SLC13A2: variants seen among roughly 807,000 people sequenced by gnomAD.
SLC13A2 encodes Na(+)-coupled citrate transporter.
Under a neutral mutation model 58.5 loss-of-function variants are expected in SLC13A2, and 40 were observed. The ratio of observed to expected loss-of-function variants is 0.68; its 90% confidence interval spans 0.53 to 0.89. The LOEUF (loss-of-function observed/expected upper bound fraction) is 0.89. SLC13A2 is among the 40% of genes least tolerant of loss of function. The pLI is 0.00. For missense variants in SLC13A2, 694 were observed against 772.6 expected, an observed-to-expected ratio of 0.90 and a Z score of 1.21; for synonymous variants, 341 against 331.6, an observed-to-expected ratio of 1.03 and a Z score of -0.31.
At chr17:28,477,201 T>G (rs1355359164) in intron 1 of SLC13A2, among the ~76,000 whole-genome samples, 3 of 145,070 alleles carry the variant, frequency 2.1e-5, no homozygotes, top group South Asian at 2.2e-4. Context: ...TTGTTTTTTT[T>G]TTTTTTTTTT....
chr17:28,478,764 A>T (rs1326443966), intron 1 of SLC13A2, among the ~76,000 whole-genome samples: 2 of 152,206 alleles, frequency 1.3e-5, no homozygotes, highest in African/African-American at 4.8e-5. Flanking sequence ...CATCCATTCA[A>T]ATGTATTCAT....
intron 2 of SLC13A2, 106 bp downstream of exon 2, chr17:28,489,448 A>G (rs2068958090): frequency 1.5e-6 from 2 of 1,336,714 alleles, no homozygotes; most frequent in African/African-American, 1.5e-5. Context: ...GGCAGGGCAC[A>G]TGGATTAGGG....
intron 1 of SLC13A2, among the ~76,000 whole-genome samples, chr17:28,482,415 A>T (rs988472541): frequency 3.3e-5 from 5 of 152,164 alleles, no homozygotes; most frequent in African/African-American, 1.2e-4. Flanking sequence ...TGGTGCATTT[A>T]AAAACATTAT....
chr17:28,489,292 C>G lies in SLC13A2; in HGVS notation c.181C>G (p.Leu61Val). Residue 61 changes from leucine (L) to valine (V), a missense_variant, in exon 2 of 12, where the codon CTC (leucine) becomes GTC (valine). Leu to Val is a conservative substitution (Grantham distance 32). Coordinates refer to ENST00000314669, the MANE Select transcript of SLC13A2 (RefSeq NM_003984.4). ...TEALPLAVTA[L>V]FPLILFPMMG... ...GGCCCTGCCCCTGGCCGTCACTGCC[C>G]TCTTCCCCTTAATCCTGTTCCCTAT... The G allele has an allele frequency of 6.2e-7, 1 of 1,614,124 alleles. No individual in the cohort carries two copies. The highest frequency in any genetic ancestry group is 8.5e-7 in the Non-Finnish European group (1 of 1,180,032).
rs1555603925 is a variant in SLC13A2, at chr17:28,493,563, G to T, written c.879-8G>T. ...CCCCCACGAGCTGCCCCGTCCCTCT[G>T]CCTGCAGCTTCCGGAAGAACTTTGG... On this transcript the variant is annotated splice_region_variant and splice_polypyrimidine_tract_variant and intron_variant, in intron 6 of 11. Coordinates refer to ENST00000314669, the MANE Select transcript of SLC13A2 (RefSeq NM_003984.4). The T allele has an allele frequency of 6.3e-7, 1 of 1,595,858 alleles. No homozygotes were observed. Among genetic ancestry groups the T allele is most frequent in the Non-Finnish European group, 8.6e-7 (1 of 1,168,128 alleles).
chr17:28,482,136 C>G (rs2068796290), intron 1 of SLC13A2, among the ~76,000 whole-genome samples: 1 of 152,208 alleles, frequency 6.6e-6, no homozygotes, highest in African/African-American at 2.4e-5. Flanking sequence ...TCCCCCACTT[C>G]AGCCTCCCAA....
At position 28,496,467 on chromosome 17, in the gene SLC13A2, C is replaced by T; in HGVS notation, c.1488C>T (p.Leu496=). 6.2e-7 allele frequency: 1 copy of T among 1,608,272 alleles called. No homozygotes were observed. The highest frequency in any genetic ancestry group is 1.1e-5 in the South Asian group (1 of 90,558). ...ILASMAQAIC[L]HPLYVMLPCT... is the part of the protein sequence containing the mutation. Reference sequence around the variant, plus strand: ...CACTCCAGGCCCAGGCCATCTGCCTCCACCCTCTCTACGTCATGCTCCCCT... The same window carrying T: ...CACTCCAGGCCCAGGCCATCTGCCTTCACCCTCTCTACGTCATGCTCCCCT... Residue 496 remains leucine (L), a synonymous_variant, in exon 11 of 12, where the codon CTC becomes CTT. Coordinates refer to ENST00000314669, the MANE Select transcript of SLC13A2 (RefSeq NM_003984.4). The surrounding 1 kb of genome is among the most constrained non-coding windows in gnomAD (Gnocchi z 4.2).
intron 1 of SLC13A2, among the ~76,000 whole-genome samples, chr17:28,474,424 G>C (rs1297803447): frequency 1.3e-5 from 2 of 152,078 alleles, no homozygotes; most frequent in African/African-American, 4.8e-5. Context: ...AGGCGTCACT[G>C]CCTCCTCCTC....
chr17:28,494,530 C>T lies in SLC13A2; in HGVS notation c.1308+18C>T. On this transcript the variant is annotated intron_variant, in intron 9 of 11. Coordinates refer to ENST00000314669, the MANE Select transcript of SLC13A2 (RefSeq NM_003984.4). This position sits in a 1 kb window ranked among gnomAD's most constrained non-coding sequence, Gnocchi z 4.0. ...GCAGTGAGGTGAGAGGCCCCCAGCC[C>T]CCTCCTCAGCCTGTGTGAGGGTGTC... is the stretch of plus-strand genomic sequence containing the variant. The T allele has an allele frequency of 6.2e-7, 1 of 1,613,656 alleles. No individual in the cohort carries two copies. The highest frequency in any genetic ancestry group is 8.5e-7 in the Non-Finnish European group (1 of 1,179,794).
Position 28,489,187 on chromosome 17 carries a change from G to A in SLC13A2, c.103-27G>A, listed in dbSNP as rs782395718. The A allele has an allele frequency of 3.1e-6, 5 of 1,610,102 alleles. No homozygotes were observed. In the Admixed American group the frequency reaches 6.7e-5, roughly 22 times the overall value. On this transcript the variant is annotated intron_variant, in intron 1 of 11. Coordinates refer to ENST00000314669, the MANE Select transcript of SLC13A2 (RefSeq NM_003984.4). ...GCTCTGGGACACAGGCCCTCTGACAGCTCTGCCGCTTCTCTCCCACCTGCA... is the reference window on the plus strand; with the variant it reads ...GCTCTGGGACACAGGCCCTCTGACAACTCTGCCGCTTCTCTCCCACCTGCA...
intron 1 of SLC13A2, among the ~76,000 whole-genome samples, chr17:28,474,071 C>G (rs1348568670): frequency 2.0e-5 from 3 of 152,126 alleles, no homozygotes; most frequent in Non-Finnish European, 1.5e-5. Flanking sequence ...AACAGGAAAC[C>G]AGTTCCATCA....
In SLC13A2 at chr17:28,497,341, CCCAAGCT is replaced by C. The variant is rs11278972; in HGVS notation, c.*90_*96del. ...ACTCCTCTGAGCCCGGAGGGGACAC[CCCAAGCT>C]CCAAGCTCCAAGCTCCAGGCCAAAG... On this transcript the variant is annotated 3_prime_UTR_variant, in exon 12 of 12. Transcript: ENST00000314669. 5.5e-3 allele frequency: 8,310 copies of C among 1,518,484 alleles called. 401 individuals carry two copies. In the African/African-American group the frequency reaches 0.1, roughly 19 times the overall value. The allele number at this position is 1,518,484 out of a possible 1,614,324, so 94.1% of individuals were successfully genotyped here. A position where few individuals can be genotyped will look rare whatever the true frequency, so the allele number is the denominator to read the frequency against.
At chr17:28,480,428 A>C (rs185162228) in intron 1 of SLC13A2, among the ~76,000 whole-genome samples, 1 of 152,314 alleles carries the variant, frequency 6.6e-6, no homozygotes, top group Admixed American at 6.5e-5. Flanking sequence ...CATGAAAACT[A>C]TACAAGGAAT....
chr17:28,494,230 G>A lies in SLC13A2; in HGVS notation c.1186+125G>A. The A allele has an allele frequency of 6.7e-7, 1 of 1,486,444 alleles. No homozygotes were observed. The highest frequency in any genetic ancestry group is 9.3e-7 in the Non-Finnish European group (1 of 1,073,308). 92.1% of individuals were successfully genotyped at this position (1,486,444 alleles called of 1,614,324 possible). A position where few individuals can be genotyped will look rare whatever the true frequency, so the allele number is the denominator to read the frequency against. ...CAGAAAGGCTGGAGCGACTTGCCAA[G>A]GGCACAGGGACTCGGAGACAAAGTT... is the stretch of plus-strand genomic sequence containing the variant. On this transcript the variant is annotated intron_variant, in intron 8 of 11. Coordinates refer to ENST00000314669, the MANE Select transcript of SLC13A2 (RefSeq NM_003984.4). The surrounding 1 kb of genome is among the most constrained non-coding windows in gnomAD (Gnocchi z 4.0).
chr17:28,493,501 A>G lies in SLC13A2; in HGVS notation c.879-70A>G, dbSNP rs1265294330. On this transcript the variant is annotated intron_variant, in intron 6 of 11. Coordinates refer to ENST00000314669, the MANE Select transcript of SLC13A2 (RefSeq NM_003984.4). ...CTGTGGGCCTCAGCCTTTAGATGGT[A>G]GGCACTCAGAGCCCCTTGCTCCCTG... 3.1e-6 allele frequency: 4 copies of G among 1,306,712 alleles called. No individual in the cohort carries two copies. The African/African-American group carries it at 4.4e-5, about 14-fold the overall frequency. 80.9% of individuals were successfully genotyped at this position (1,306,712 alleles called of 1,614,324 possible).
At position 28,486,436 on chromosome 17, in the gene SLC13A2, A is replaced by G. The variant is rs530292670; in HGVS notation, c.103-2778A>G. ...ACTCCATGCCCCAGTTAAGAATCTCATGATGCAGGAAGAACAAATCAGCGA... is the reference window on the plus strand; with the variant it reads ...ACTCCATGCCCCAGTTAAGAATCTCGTGATGCAGGAAGAACAAATCAGCGA... On this transcript the variant is annotated intron_variant, in intron 1 of 11. Coordinates refer to ENST00000314669, the MANE Select transcript of SLC13A2 (RefSeq NM_003984.4). Among the ~76,000 whole-genome samples, 4 of 152,312 alleles carry G rather than the reference A, an allele frequency of 2.6e-5. No individual in the cohort carries two copies. In the East Asian group the frequency reaches 7.7e-4, roughly 29 times the overall value.
At chr17:28,478,326 C>T (rs1252165187) in intron 1 of SLC13A2, among the ~76,000 whole-genome samples, 1 of 152,212 alleles carries the variant, frequency 6.6e-6, no homozygotes, top group African/African-American at 2.4e-5. Flanking sequence ...TTCAGTCCAG[C>T]ATATCTGTTG....
Position 28,491,523 on chromosome 17 carries a change from A to G in SLC13A2, c.661A>G (p.Met221Val), listed in dbSNP as rs782165467. ...GAAGCATCTCCACCTCACCCAGTGC[A>G]TGAGCCTGTGCGTGTGCTACTCCGC... ...SQKHLHLTQC[M>V]SLCVCYSASI... Residue 221 changes from methionine (M) to valine (V), a missense_variant, in exon 5 of 12, where the codon ATG becomes GTG. By Grantham distance (21) the Met-to-Val change is conservative. Coordinates refer to ENST00000314669, the MANE Select transcript of SLC13A2 (RefSeq NM_003984.4). 4 of 1,613,692 alleles carry G rather than the reference A, an allele frequency of 2.5e-6. No homozygotes were observed. The highest frequency in any genetic ancestry group is 1.6e-4 in the Middle Eastern group (1 of 6,084).
At chr17:28,481,922 T>C (rs73276448) in intron 1 of SLC13A2, among the ~76,000 whole-genome samples, 3,092 of 150,604 alleles carry the variant, frequency 0.021, 95 homozygotes, top group African/African-American at 0.072. Context: ...CAGCCTTCCA[T>C]GTAGCCACAC....
Sources: gnomAD v4.1 joint callset for allele counts (sites outside exome capture counted in the v4.1 genomes callset) on GRCh38, gnomAD v4.1.1 for gene constraint, Gnocchi (gnomAD v3.1) non-coding constraint, MANE v1.5 for transcripts, NCBI Gene and HGNC (gene_info 2026-07-23, HGNC 2026-07-21) for gene names.